NUP153: variants seen among roughly 807,000 people sequenced by gnomAD.
The protein encoded by NUP153 is nucleoporin 153, also known as nuclear pore complex protein Nup153.
Under a neutral mutation model 134.6 loss-of-function variants are expected in NUP153, and 27 were observed. The ratio of observed to expected loss-of-function variants is 0.20; its 90% CI spans 0.15 to 0.28. The LOEUF (loss-of-function observed/expected upper bound fraction) is 0.28. Among genes scored for constraint, NUP153 ranks in the 10% least tolerant of loss-of-function variants. NUP153 has a pLI of 1.00. For synonymous variants in NUP153, 640 were observed against 623.5 expected (o/e 1.03, Z -0.40); for missense variants, 1,821 against 1,731.3 (o/e 1.05, Z -0.92).
chr6:17,677,874 A>G (rs1045487551), intron 2 of NUP153, among the ~76,000 whole-genome samples: 2 of 151,870 alleles, frequency 1.3e-5, no homozygotes, highest in Admixed American at 1.3e-4. Context: ...TTTTCTGACT[A>G]CTGCTTAAAT....
chr6:17,693,653 G>A (rs142568303), intron 1 of NUP153, among the ~76,000 whole-genome samples: 36,744 of 145,070 alleles, frequency 0.25, 4,836 homozygotes, highest in Non-Finnish European at 0.31. Context: ...TTGGGAGGCC[G>A]AGGCGGGCAG....
At chr6:17,627,640 T>C (rs983480707) in intron 18 of NUP153, among the ~76,000 whole-genome samples, 9 of 152,144 alleles carry the variant, frequency 5.9e-5, no homozygotes, top group African/African-American at 2.2e-4. Context: ...GGATTATAGG[T>C]GTGAGCTACG....
At chr6:17,691,413 C>T (rs1769266732) in intron 1 of NUP153, among the ~76,000 whole-genome samples, 1 of 152,196 alleles carries the variant, frequency 6.6e-6, no homozygotes, top group Non-Finnish European at 1.5e-5. Context: ...ATACTAGTTA[C>T]TTATCCCATT....
At chr6:17,631,733 G>A (rs973726653) in intron 17 of NUP153, among the ~76,000 whole-genome samples, 38 of 152,076 alleles carry the variant, frequency 2.5e-4, no homozygotes, top group African/African-American at 8.9e-4. Context: ...TTGGGAGGCC[G>A]AGGCGGGTGG....
rs114904693 is a variant in NUP153, at chr6:17,638,802, T to C, written c.1847-1032A>G. On this transcript the variant is annotated intron_variant, in intron 15 of 21. Coordinates refer to ENST00000262077, the MANE Select transcript of NUP153 (RefSeq NM_005124.4). The surrounding 1 kb of genome is among the most constrained non-coding windows in gnomAD (Gnocchi z 4.0). Reference sequence around the variant, plus strand: ...CTATACACATTTGAGGCTTGCCTACTACTTGGTTAATTCCAGCACAAGCAC... The same window carrying C: ...CTATACACATTTGAGGCTTGCCTACCACTTGGTTAATTCCAGCACAAGCAC... Among the ~76,000 whole-genome samples, 2,827 of 152,302 alleles carry C rather than the reference T, an allele frequency of 0.019. 37 individuals are homozygous for C. The highest frequency in any genetic ancestry group is 0.065 in the Middle Eastern group (19 of 294).
intron 5 of NUP153, among the ~76,000 whole-genome samples, chr6:17,673,814 A>T (rs922360314): frequency 6.6e-6 from 1 of 152,234 alleles, no homozygotes; most frequent in African/African-American, 2.4e-5. Flanking sequence ...TATAAAGTTT[A>T]CTGTATACTT....
rs1770486418 is a variant in NUP153, at chr6:17,706,229, G to A, written c.111+48C>T. 1 of 1,487,972 alleles carries A rather than the reference G, an allele frequency of 6.7e-7. No homozygotes were observed. The highest frequency in any genetic ancestry group is 9.4e-7 in the Non-Finnish European group (1 of 1,067,790). The allele number at this position is 1,487,972 out of a possible 1,614,324, so 92.2% of individuals were successfully genotyped here. A position where few individuals can be genotyped will look rare whatever the true frequency, so the allele number is the denominator to read the frequency against. On this transcript the variant is annotated intron_variant, in intron 1 of 21. Transcript: ENST00000262077. The surrounding 1 kb of genome is among the most constrained non-coding windows in gnomAD (Gnocchi z 5.9). ...GGCCTCGAACCGCCCGTCCCCTCCA[G>A]CCGAGTTTCCCCACCCGCCAGGCCA... is the stretch of plus-strand genomic sequence containing the variant.
Position 17,661,635 on chromosome 6 carries a change from A to G in NUP153, c.1395+18T>C, listed in dbSNP as rs200260878. The G allele has an allele frequency of 3.3e-4, 530 of 1,610,132 alleles. 4 individuals carry two copies. Among genetic ancestry groups the G allele is most frequent in the Middle Eastern group, 1.8e-3 (11 of 6,038 alleles). ...CTTTTTAAATAAACCTCAAGAGTAT[A>G]TGAGTATACAACCCTACCTCCTCCT... On this transcript the variant is annotated intron_variant, in intron 11 of 21. Coordinates refer to ENST00000262077, the MANE Select transcript of NUP153 (RefSeq NM_005124.4).
At position 17,686,743 on chromosome 6, in the gene NUP153, AT is replaced by A. The variant is rs1429373719; in HGVS notation, c.334+1652del. On this transcript the variant is annotated intron_variant, in intron 2 of 21. Transcript: ENST00000262077. ...AATTTTTTAAGTTTTTGAAGTAGAT[AT>A]CAAAATGCTGCCCACAACTTGCTTC... Among the ~76,000 whole-genome samples the A allele has an allele frequency of 3.9e-5, 6 of 152,022 alleles. No individual in the cohort carries two copies. In the South Asian group the frequency reaches 6.2e-4, roughly 16 times the overall value.
rs1764293450 is a variant in NUP153 at position 17,615,994 on chromosome 6, T to C, written c.*103A>G. ...AAAATTCCAAAATTAAAGAAGTCCT[T>C]AGGCAGATCTGACTTCAGATAACCC... On this transcript the variant is annotated 3_prime_UTR_variant, in exon 22 of 22. Coordinates refer to ENST00000262077, the MANE Select transcript of NUP153 (RefSeq NM_005124.4). This position sits in a 1 kb window ranked among gnomAD's most constrained non-coding sequence, Gnocchi z 5.7. The C allele has an allele frequency of 1.2e-6, 1 of 812,812 alleles. No individual in the cohort carries two copies. The highest frequency in any genetic ancestry group is 2.0e-6 in the Non-Finnish European group (1 of 498,412). 50.3% of individuals were successfully genotyped at this position (812,812 alleles called of 1,614,324 possible). A position where few individuals can be genotyped will look rare whatever the true frequency, so the allele number is the denominator to read the frequency against.
At chr6:17,689,216 T>C (rs1417045306) in intron 1 of NUP153, among the ~76,000 whole-genome samples, 3 of 149,916 alleles carry the variant, frequency 2.0e-5, no homozygotes, top group African/African-American at 5.1e-5. Flanking sequence ...AGAAACCCCA[T>C]CTCTACTAAA....
chr6:17,620,298 A>G (rs1311628085), intron 20 of NUP153, among the ~76,000 whole-genome samples: 3 of 152,182 alleles, frequency 2.0e-5, no homozygotes. Flanking sequence ...AAAAAGACAC[A>G]TAGACCAATG....
chr6:17,651,969 C>A, intron 11 of NUP153: 2 of 573,838 alleles, frequency 3.5e-6, no homozygotes, highest in South Asian at 2.0e-5. Flanking sequence ...ATGGCACATG[C>A]CTGTGGTCCC....
intron 20 of NUP153, among the ~76,000 whole-genome samples, chr6:17,623,061 C>T (rs375977253): frequency 5.5e-4 from 82 of 147,828 alleles, no homozygotes; most frequent in African/African-American, 1.8e-3. Context: ...ACCCGGGAAG[C>T]GGAGGTTGCA....
At chr6:17,671,885 G>A (rs985068707) in intron 5 of NUP153, among the ~76,000 whole-genome samples, 3 of 152,280 alleles carry the variant, frequency 2.0e-5, no homozygotes, top group Admixed American at 6.5e-5. Flanking sequence ...GTGTGTGCCT[G>A]TAGTCCCAGC....
intron 5 of NUP153, among the ~76,000 whole-genome samples, chr6:17,672,680 A>T (rs1767989952): frequency 6.6e-6 from 1 of 151,972 alleles, no homozygotes; most frequent in South Asian, 2.1e-4. Context: ...ATGTTAAAAA[A>T]ACAAAAAACA....
chr6:17,644,177 C>T (rs566665432), intron 14 of NUP153, among the ~76,000 whole-genome samples: 2 of 152,298 alleles, frequency 1.3e-5, no homozygotes, highest in Non-Finnish European at 2.9e-5. Flanking sequence ...TATGTCCTGA[C>T]TCTTTTTATT....
chr6:17,639,212 G>A (rs1480780386), intron 15 of NUP153, among the ~76,000 whole-genome samples: 1 of 151,900 alleles, frequency 6.6e-6, no homozygotes, highest in African/African-American at 2.4e-5. Context: ...CGAGTAGCTG[G>A]AACTACAGGT....
At chr6:17,701,831 T>C (rs1429059596) in intron 1 of NUP153, among the ~76,000 whole-genome samples, 1 of 15,050 alleles carries the variant, frequency 6.6e-5, no homozygotes, top group Non-Finnish European at 1.9e-4. Context: ...AGACTCTGTC[T>C]CGGGGGGGGG....
Sources: gnomAD v4.1 joint callset for allele counts (sites outside exome capture counted in the v4.1 genomes callset) on GRCh38, gnomAD v4.1.1 for gene constraint, Gnocchi (gnomAD v3.1) non-coding constraint, MANE v1.5 for transcripts, NCBI Gene and HGNC (gene_info 2026-07-23, HGNC 2026-07-21) for gene names.